Variants in OGDH observed in about 807,000 individuals in gnomAD.
The protein encoded by OGDH is 2-oxoglutarate dehydrogenase complex component E1.
Under a neutral mutation model 116.6 loss-of-function variants are expected in OGDH, and 38 were observed. The observed-to-expected ratio is 0.33, with a 90% CI of 0.25 to 0.43. The LOEUF is 0.43. Ranked by LOEUF, OGDH falls within the 20% of genes least tolerant of loss-of-function variation. OGDH has a pLI of 1.00. For synonymous variants in OGDH, 488 were observed against 533.3 expected, an observed-to-expected ratio of 0.92 and a Z score of 1.17; for missense variants, 825 against 1,357.2, an observed-to-expected ratio of 0.61 and a Z score of 6.16.
intron 2 of OGDH, among the ~76,000 whole-genome samples, chr7:44,629,822 C>T (rs2268306): frequency 0.09 from 13,679 of 152,100 alleles, 1,224 homozygotes; most frequent in East Asian, 0.44. Flanking sequence ...TCAGGTGATC[C>T]GACCGCCTCG....
chr7:44,663,339 C>G (rs1159718191), intron 4 of OGDH, among the ~76,000 whole-genome samples: 2 of 152,178 alleles, frequency 1.3e-5, no homozygotes. Context: ...TTCTTAATTG[C>G]TCATTGAAAT....
At chr7:44,673,725 A>C in intron 5 of OGDH, 62 bp from the exon 6 acceptor site, 1 of 1,542,736 alleles carries the variant, frequency 6.5e-7, no homozygotes, top group Non-Finnish European at 9.0e-7. Flanking sequence ...GGCAGTCGGC[A>C]GTCTTCATTC....
At chr7:44,685,332 A>G (rs1280555660) in intron 10 of OGDH, among the ~76,000 whole-genome samples, 2 of 152,090 alleles carry the variant, frequency 1.3e-5, no homozygotes, top group African/African-American at 4.8e-5. Context: ...TATGATTTTG[A>G]GTACTCTAAG....
At position 44,707,183 on chromosome 7, in the gene OGDH, A is replaced by G; in HGVS notation, c.2633-42A>G. 2.5e-6 allele frequency: 4 copies of G among 1,605,048 alleles called. No homozygotes were observed. The highest frequency in any genetic ancestry group is 1.3e-5 in the African/African-American group (1 of 74,866). On this transcript the variant is annotated intron_variant, in intron 20 of 22. Transcript: ENST00000222673. This position sits in a 1 kb window ranked among gnomAD's most constrained non-coding sequence, Gnocchi z 5.2. ...TGGGCCCAGGAGAGCTCTCAGCCAC[A>G]TACCTGAGAGAACCAGCCTAGCCAT... is the stretch of plus-strand genomic sequence containing the variant.
At chr7:44,668,587 A>G (rs1292418443) in intron 5 of OGDH, among the ~76,000 whole-genome samples, 1 of 152,194 alleles carries the variant, frequency 6.6e-6, no homozygotes, top group Non-Finnish European at 1.5e-5. Context: ...AACCAGAACT[A>G]TGTGCCAGCA....
At chr7:44,698,136 C>T (rs757259865) in intron 17 of OGDH, 56 bp from the exon 18 acceptor site, 66 of 1,584,982 alleles carry the variant, frequency 4.2e-5, no homozygotes, top group African/African-American at 6.7e-5. Context: ...ACAGCAGATG[C>T]GGCAAATGTC....
intron 10 of OGDH, among the ~76,000 whole-genome samples, chr7:44,691,100 A>T (rs947493398): frequency 6.6e-6 from 1 of 152,200 alleles, no homozygotes; most frequent in African/African-American, 2.4e-5. Context: ...GTAGTGTGGC[A>T]TCAGGAAGAT....
Position 44,645,504 on chromosome 7 carries a change from A to G in OGDH, c.400A>G (p.Ile134Val), listed in dbSNP as rs548303290. 13 of 1,614,150 alleles carry G rather than the reference A, an allele frequency of 8.1e-6. No individual in the cohort carries two copies. The East Asian group carries it at 2.7e-4, about 33-fold the overall frequency. The change falls in exon 3 of 23, where the codon ATC (isoleucine) becomes GTC (valine). Residue 134 changes from isoleucine to valine, a missense_variant. Physicochemically the swap from Ile to Val is conservative, Grantham distance 29. Coordinates refer to ENST00000222673, the MANE Select transcript of OGDH (RefSeq NM_002541.4). ...VEDHLAVQSL[I>V]RAYQIRGHHV... ...GGACCACCTGGCAGTGCAGTCGCTC[A>G]TCAGGGCATATCAGGTAAGGCGGGT... is the stretch of plus-strand genomic sequence containing the variant.
At chr7:44,663,139 G>A (rs1787022078) in intron 4 of OGDH, among the ~76,000 whole-genome samples, 1 of 152,086 alleles carries the variant, frequency 6.6e-6, no homozygotes, top group Non-Finnish European at 1.5e-5. Context: ...CTGTTCTTCA[G>A]ATTGGTTAAT....
intron 7 of OGDH, 111 bp downstream of exon 7, chr7:44,674,668 G>A (rs1787611069): frequency 3.3e-6 from 4 of 1,207,570 alleles, no homozygotes; most frequent in African/African-American, 1.5e-5. Context: ...AGTGCCAGTT[G>A]TGAGTCTGGG....
At chr7:44,670,865 G>T (rs1297627211) in intron 5 of OGDH, among the ~76,000 whole-genome samples, 1 of 151,864 alleles carries the variant, frequency 6.6e-6, no homozygotes, top group East Asian at 1.9e-4. Flanking sequence ...AAGAAAATTA[G>T]CTGGGCGTGG....
intron 2 of OGDH, among the ~76,000 whole-genome samples, chr7:44,641,377 C>G (rs892693790): frequency 2.0e-5 from 3 of 151,836 alleles, no homozygotes; most frequent in African/African-American, 7.3e-5. Context: ...AGGCCTGCAC[C>G]ACCACACCCA....
intron 4 of OGDH, among the ~76,000 whole-genome samples, chr7:44,656,005 C>T (rs1562645086): frequency 6.6e-6 from 1 of 152,214 alleles, no homozygotes; most frequent in Non-Finnish European, 1.5e-5. Context: ...CTTCTTGAAG[C>T]TAAGGAGATG....
At chr7:44,655,614 G>A (rs1350153331) in intron 4 of OGDH, among the ~76,000 whole-genome samples, 1 of 152,236 alleles carries the variant, frequency 6.6e-6, no homozygotes, top group Non-Finnish European at 1.5e-5. Context: ...CACAAGCCCA[G>A]ACAGTAAGGG....
chr7:44,678,261 A>C (rs1787784686), intron 9 of OGDH, among the ~76,000 whole-genome samples: 1 of 152,144 alleles, frequency 6.6e-6, no homozygotes. Context: ...TGTGATGACC[A>C]GTGCCTCTGG....
At chr7:44,702,577 T>G (rs1788882612) in intron 20 of OGDH, among the ~76,000 whole-genome samples, 1 of 151,704 alleles carries the variant, frequency 6.6e-6, no homozygotes. Flanking sequence ...TTTTTTATTT[T>G]TAATTTTATT....
At chr7:44,705,138 C>T (rs1244162255) in intron 20 of OGDH, among the ~76,000 whole-genome samples, 7 of 138,350 alleles carry the variant, frequency 5.1e-5, no homozygotes, top group Admixed American at 3.6e-4. Context: ...CTGCAAGCTC[C>T]ACCTCCCGGG....
chr7:44,698,411 T>A, intron 18 of OGDH, 148 bp downstream of exon 18: 2 of 775,030 alleles, frequency 2.6e-6, no homozygotes, highest in South Asian at 1.7e-5. Context: ...AGTGGACAGG[T>A]GTGGCCCCAT....
intron 5 of OGDH, among the ~76,000 whole-genome samples, chr7:44,671,540 G>A (rs1330750671): frequency 1.3e-5 from 2 of 151,776 alleles, no homozygotes; most frequent in Admixed American, 6.6e-5. Flanking sequence ...GAGGCGGGCG[G>A]ATCACGAGGT....
Sources: gnomAD v4.1 joint callset for allele counts (sites outside exome capture counted in the v4.1 genomes callset) on GRCh38, gnomAD v4.1.1 for gene constraint, Gnocchi (gnomAD v3.1) non-coding constraint, MANE v1.5 for transcripts, NCBI Gene and HGNC (gene_info 2026-07-23, HGNC 2026-07-21) for gene names.